NUDC: variants seen among roughly 807,000 people sequenced by gnomAD.
NUDC encodes nuclear distribution C, dynein complex regulator, also known as nuclear migration protein nudC.
Under a neutral mutation model 45.0 loss-of-function variants are expected in NUDC, and 14 were observed. The ratio of observed to expected loss-of-function variants is 0.31; its 90% CI spans 0.21 to 0.49. NUDC has a LOEUF of 0.49. NUDC is among the 20% of genes least tolerant of loss of function. The pLI, the probability that NUDC is intolerant of heterozygous loss-of-function variation, is 0.99. For missense variants in NUDC, 323 were observed against 426.2 expected (o/e 0.76, Z 2.13); for synonymous variants, 153 against 156.7 (o/e 0.98, Z 0.17).
At chr1:26,930,859 TACA>T (rs1279744961) in intron 2 of NUDC, among the ~76,000 whole-genome samples, 4 of 150,858 alleles carry the variant, frequency 2.7e-5, no homozygotes, top group Admixed American at 6.6e-5. Flanking sequence ...CTACTAAAAA[TACA>T]AAAATTAGCT....
intron 2 of NUDC, among the ~76,000 whole-genome samples, chr1:26,908,407 C>T (rs945557592): frequency 2.0e-5 from 3 of 152,108 alleles, no homozygotes; most frequent in Non-Finnish European, 4.4e-5. Flanking sequence ...TTAGTTTTGC[C>T]ATATTTGTCT....
chr1:26,908,983 TAATTTTTTTGAGACAGAGTCTCACTC>T (rs2082013888), intron 2 of NUDC, among the ~76,000 whole-genome samples: 1 of 151,278 alleles, frequency 6.6e-6, no homozygotes, highest in African/African-American at 2.4e-5. Context: ...CCTTATTTTT[TAATTTTTTTGAGACAGAGTCTCACTC>T]TGTCGCCCAA....
chr1:26,915,807 C>T (rs527979905), intron 3 of NUDC, among the ~76,000 whole-genome samples: 2 of 152,270 alleles, frequency 1.3e-5, no homozygotes, highest in African/African-American at 4.8e-5. Flanking sequence ...AGTGGACAAA[C>T]AGGCACACCT....
chr1:26,905,766 A>G (rs2082000457), intron 2 of NUDC, among the ~76,000 whole-genome samples: 1 of 152,108 alleles, frequency 6.6e-6, no homozygotes, highest in Non-Finnish European at 1.5e-5. Flanking sequence ...TGAAACTACA[A>G]TTTCTCCAAG....
chr1:26,941,771 C>A lies in NUDC; in HGVS notation c.382C>A (p.His128Asn). ...GCCCCAGAAAAAGGATGCAGAGAAT[C>A]ATGAGGCCCAGCTCAAGAACGGCAG... is the stretch of plus-strand genomic sequence containing the variant. ...EIDQKKDAEN[H>N]EAQLKNGSLD... Residue 128 changes from histidine (H) to asparagine (N), a missense_variant, in exon 4 of 9, where the codon CAT (histidine) becomes AAT (asparagine). This residue lies in a region of NUDC where 245 missense variants were observed against 278.8 expected (regional missense o/e 0.88). Transcript: ENST00000321265. 1 of 1,614,020 alleles carries A rather than the reference C, an allele frequency of 6.2e-7. No individual in the cohort carries two copies. The highest frequency in any genetic ancestry group is 1.1e-5 in the South Asian group (1 of 91,070).
Position 26,941,506 on chromosome 1 carries a change from G to A in NUDC, c.209G>A (p.Arg70Gln), listed in dbSNP as rs201871143. The A allele has an allele frequency of 1.3e-5, 21 of 1,614,042 alleles. No homozygotes were observed. In the East Asian group the frequency reaches 2.2e-4, roughly 17 times the overall value. ...SHHNQLAQKT[R>Q]REKRARQEAE... Reference sequence around the variant, plus strand: ...CACAATCAGCTGGCACAGAAGACCCGGCGGGAGAAGAGAGCCCGGCAGGAG... The same window carrying A: ...CACAATCAGCTGGCACAGAAGACCCAGCGGGAGAAGAGAGCCCGGCAGGAG... Residue 70 changes from arginine to glutamine, a missense_variant, in exon 3 of 9, where the codon CGG (arginine) becomes CAG (glutamine). Arg to Gln is a conservative substitution (Grantham distance 43). This residue lies in a region of NUDC where 245 missense variants were observed against 278.8 expected (regional missense o/e 0.88). Coordinates refer to ENST00000321265, the MANE Select transcript of NUDC (RefSeq NM_006600.4).
chr1:26,902,678 A>G (rs1016309079), intron 2 of NUDC, among the ~76,000 whole-genome samples: 1 of 152,004 alleles, frequency 6.6e-6, no homozygotes. Flanking sequence ...TGAGCCCAAG[A>G]GAGCAAGGCT....
intron 3 of NUDC, chr1:26,912,145 C>T: frequency 6.2e-7 from 1 of 1,602,630 alleles, no homozygotes; most frequent in Non-Finnish European, 8.5e-7. Context: ...CACCAAAGGA[C>T]AAGACTGGCC....
At chr1:26,930,189 C>A (rs1379446001) in intron 2 of NUDC, among the ~76,000 whole-genome samples, 1 of 152,094 alleles carries the variant, frequency 6.6e-6, no homozygotes, top group African/African-American at 2.4e-5. Context: ...TGTTTTGAGA[C>A]AGGGTCTCGC....
At chr1:26,921,725 C>T (rs1269542967), upstream of NUDC, 3 of 1,059,172 alleles carry the variant, frequency 2.8e-6, no homozygotes, top group South Asian at 1.4e-5. Context: ...CGCGCGCGTG[C>T]GTGTTTCCGG....
rs1209319511 is a variant in NUDC, at chr1:26,905,151, A to AT, written c.-16+2787dup. Among the ~76,000 whole-genome samples, 80 of 105,006 alleles carry AT rather than the reference A, an allele frequency of 7.6e-4. 1 individual carries two copies. Among genetic ancestry groups the AT allele is most frequent in the South Asian group, 1.2e-3 (4 of 3,278 alleles). 68.9% of individuals were successfully genotyped at this position (105,006 alleles called of 152,430 possible). ...CTGAGCCTGGCCTATTATTATTATT[A>AT]TTATTATTTTTTTTTTTTTTTTTTT... On this transcript the variant is annotated intron_variant, in intron 2 of 6. Transcript: ENST00000435827.
At chr1:26,941,338 C>G (rs746926881) in intron 2 of NUDC, 119 bp from the exon 3 acceptor site, 1 of 982,282 alleles carries the variant, frequency 1.0e-6, no homozygotes, top group Non-Finnish European at 1.6e-6. Flanking sequence ...ATGAGGAAAC[C>G]GAGTTTCTGG....
intron 2 of NUDC, among the ~76,000 whole-genome samples, chr1:26,930,020 G>A (rs1027327235): frequency 4.6e-5 from 7 of 152,090 alleles, no homozygotes; most frequent in Non-Finnish European, 7.4e-5. Context: ...GTGAAACTCC[G>A]TCTCAAAAAC....
chr1:26,927,190 G>A (rs567617385), intron 2 of NUDC, among the ~76,000 whole-genome samples: 1 of 146,532 alleles, frequency 6.8e-6, no homozygotes, highest in South Asian at 2.1e-4. Flanking sequence ...GATGAACCGT[G>A]TGTGTGTGTG....
At chr1:26,921,511 G>T (rs2082090282), upstream of NUDC, among the ~76,000 whole-genome samples, 1 of 152,228 alleles carries the variant, frequency 6.6e-6, no homozygotes, top group South Asian at 2.1e-4. Flanking sequence ...GGGCTTTCTA[G>T]AAGTCTCCAC....
upstream of NUDC, among the ~76,000 whole-genome samples, chr1:26,917,204 G>A (rs192943087): frequency 1.3e-3 from 199 of 152,236 alleles, 3 homozygotes; most frequent in African/African-American, 4.7e-3. Flanking sequence ...GTTGCAGGGA[G>A]CCAAGATAGT....
intron 2 of NUDC, among the ~76,000 whole-genome samples, chr1:26,931,771 A>G (rs1278346005): frequency 6.7e-6 from 1 of 149,890 alleles, no homozygotes; most frequent in African/African-American, 2.4e-5. Context: ...ACGAGACTCC[A>G]TCTCAAAAAA....
At chr1:26,945,142 C>T (rs940864468) in intron 6 of NUDC, 8 of 583,142 alleles carry the variant, frequency 1.4e-5, no homozygotes, top group Non-Finnish European at 2.5e-5. Flanking sequence ...TTTCTCCCTC[C>T]ACCCTGGATG....
rs1302816316 is a variant in NUDC at position 26,946,615 on chromosome 1, G to A, written c.*434G>A. 7.8e-6 allele frequency: 2 copies of A among 255,396 alleles called. No individual in the cohort carries two copies. The highest frequency in any genetic ancestry group is 4.6e-5 in the South Asian group (1 of 21,740). 15.8% of individuals were successfully genotyped at this position (255,396 alleles called of 1,614,324 possible). A position where few individuals can be genotyped will look rare whatever the true frequency, so the allele number is the denominator to read the frequency against. ...GTCTGTAATCCCAGCACTTTGGGAG[G>A]CTGAGGGGAGCAGATCACCTGATGT... On this transcript the variant is annotated 3_prime_UTR_variant, in exon 9 of 9. Coordinates refer to ENST00000321265, the MANE Select transcript of NUDC (RefSeq NM_006600.4).
Sources: gnomAD v4.1 joint callset for allele counts (sites outside exome capture counted in the v4.1 genomes callset) on GRCh38, gnomAD v4.1.1 for gene constraint, gnomAD v4.1.1 regional missense constraint, MANE v1.5 for transcripts, NCBI Gene and HGNC (gene_info 2026-07-23, HGNC 2026-07-21) for gene names.